PSME4: variants seen among roughly 807,000 people sequenced by gnomAD.
PSME4 encodes the protein proteasome activator complex subunit 4.
In PSME4, 89 loss-of-function variants were observed where a neutral mutation model predicts 253.9. The observed-to-expected ratio is 0.35, with a 90% CI of 0.30 to 0.42. PSME4 has a LOEUF of 0.42. PSME4 is among the 10% of genes least tolerant of loss of function. The pLI is 1.00. For synonymous variants in PSME4, 851 were observed against 759.2 expected (o/e 1.12, Z -1.99); for missense variants, 2,014 against 2,195.2 (o/e 0.92, Z 1.65).
chr2:53,964,224 A>T (rs1469118183), intron 1 of PSME4, among the ~76,000 whole-genome samples: 2 of 152,210 alleles, frequency 1.3e-5, no homozygotes, highest in Non-Finnish European at 2.9e-5. Flanking sequence ...TATGTGTGAC[A>T]TCATCATGAA....
At chr2:53,927,564 A>G (rs1322859165) in intron 11 of PSME4, 81 bp from the exon 12 acceptor site, 2 of 976,794 alleles carry the variant, frequency 2.0e-6, no homozygotes, top group Non-Finnish European at 3.2e-6. Flanking sequence ...ACAATAAATT[A>G]CCCCAATAAA....
chr2:53,887,407 C>T lies in PSME4; in HGVS notation c.4581G>A (p.Ser1527=), dbSNP rs764656669. ...GAGCAGTAAACTCAGGGACATGAGG[C>T]GATATGGTTGGTGTGGTATTTGGCA... ...VSLPNTTPTI[S]PHVPEFTARI... Residue 1527 remains serine, a synonymous_variant, in exon 40 of 47, where the codon TCG becomes TCA. Transcript: ENST00000404125. 4.3e-6 allele frequency: 7 copies of T among 1,613,734 alleles called. No homozygotes were observed. Among genetic ancestry groups the T allele is most frequent in the South Asian group, 2.2e-5 (2 of 91,074 alleles).
At chr2:53,927,669 G>A (rs566226881) in intron 11 of PSME4, among the ~76,000 whole-genome samples, 186 bp from the exon 12 acceptor site, 4 of 152,254 alleles carry the variant, frequency 2.6e-5, no homozygotes, top group Non-Finnish European at 5.9e-5. Flanking sequence ...GCTGTCGGCC[G>A]AGCGCAGTGG....
intron 24 of PSME4, 167 bp downstream of exon 24, chr2:53,908,153 A>G: frequency 1.8e-6 from 1 of 553,582 alleles, no homozygotes; most frequent in Non-Finnish European, 3.1e-6. Context: ...ATTTTTTGCT[A>G]GGATCCATTT....
chr2:53,896,614 G>A (rs1680149405), intron 32 of PSME4, among the ~76,000 whole-genome samples, 190 bp downstream of exon 32: 1 of 152,152 alleles, frequency 6.6e-6, no homozygotes, highest in South Asian at 2.1e-4. Context: ...GGCAGAAAGA[G>A]TCAATCTATT....
At chr2:53,964,644 T>C (rs1332861088) in intron 1 of PSME4, among the ~76,000 whole-genome samples, 1 of 152,254 alleles carries the variant, frequency 6.6e-6, no homozygotes, top group Non-Finnish European at 1.5e-5. Flanking sequence ...AAACATTAGA[T>C]ACTCTTAGGT....
chr2:53,947,628 C>T (rs1476872453), intron 3 of PSME4, among the ~76,000 whole-genome samples: 1 of 152,100 alleles, frequency 6.6e-6, no homozygotes, highest in East Asian at 1.9e-4. Context: ...ACGGCATGAA[C>T]CCTGGAGGTG....
At chr2:53,933,404 G>A (rs1238124423) in intron 8 of PSME4, among the ~76,000 whole-genome samples, 15 of 80,862 alleles carry the variant, frequency 1.9e-4, no homozygotes, top group African/African-American at 7.6e-4. Context: ...AAAAAAAAAA[G>A]CGTTTCCCTC....
Position 53,970,940 on chromosome 2 carries a change from T to C in PSME4, c.-156A>G. On this transcript the variant is annotated 5_prime_UTR_variant, in exon 1 of 47. Coordinates refer to ENST00000404125, the MANE Select transcript of PSME4 (RefSeq NM_014614.3). ...GCTAGGCCCCCTTCCCTGGCCGGCG[T>C]GCTGCTGGGCCCCACGCGGCTCTCA... is the stretch of plus-strand genomic sequence containing the variant. The C allele has an allele frequency of 1.7e-6, 1 of 583,036 alleles. No individual in the cohort carries two copies. Among genetic ancestry groups the C allele is most frequent in the Non-Finnish European group, 2.8e-6 (1 of 363,496 alleles). 36.1% of individuals were successfully genotyped at this position (583,036 alleles called of 1,614,324 possible).
Position 53,866,177 on chromosome 2 carries a change from T to G in PSME4, c.5444A>C (p.Asp1815Ala). ...TLSNFRRTHH[D>A]NWQEHKQQFT... ...TTGCTGTTTATGTTCCTGCCAGTTG[T>G]CATGGTGAGTCCTTCGGAAATTGGA... Residue 1815 changes from aspartate to alanine, a missense_variant, in exon 46 of 47, where the codon GAC (aspartate) becomes GCC (alanine). Coordinates refer to ENST00000404125, the MANE Select transcript of PSME4 (RefSeq NM_014614.3). 6.2e-7 allele frequency: 1 copy of G among 1,613,988 alleles called. No homozygotes were observed. The highest frequency in any genetic ancestry group is 8.5e-7 in the Non-Finnish European group (1 of 1,179,850).
At chr2:53,909,915 A>G (rs1451889797) in intron 21 of PSME4, among the ~76,000 whole-genome samples, 160 bp downstream of exon 21, 1 of 152,180 alleles carries the variant, frequency 6.6e-6, no homozygotes, top group Non-Finnish European at 1.5e-5. Flanking sequence ...GGTTGCAGTG[A>G]GCAGAGATCG....
chr2:53,958,772 A>G (rs1670348223), intron 1 of PSME4, among the ~76,000 whole-genome samples: 1 of 152,094 alleles, frequency 6.6e-6, no homozygotes, highest in Non-Finnish European at 1.5e-5. Context: ...CAACTTAAAA[A>G]AAAAACACTT....
intron 1 of PSME4, among the ~76,000 whole-genome samples, chr2:53,951,218 G>C (rs1315609975): frequency 1.3e-5 from 2 of 152,110 alleles, no homozygotes; most frequent in Non-Finnish European, 2.9e-5. Context: ...CAGTAGCTGG[G>C]ATTACAGGCG....
At chr2:53,932,197 T>G (rs1415110073) in intron 9 of PSME4, 97 bp from the exon 10 acceptor site, 1 of 1,130,278 alleles carries the variant, frequency 8.8e-7, no homozygotes, top group African/African-American at 1.6e-5. Flanking sequence ...ATTTTAAAAA[T>G]AACAGTTCTT....
At chr2:53,942,458 C>T (rs1669495921) in intron 3 of PSME4, among the ~76,000 whole-genome samples, 1 of 151,574 alleles carries the variant, frequency 6.6e-6, no homozygotes. Context: ...AAAGATACAT[C>T]AGGTTGAAAA....
At chr2:53,908,921 C>A (rs1309680601) in intron 21 of PSME4, 81 bp from the exon 22 acceptor site, 38 of 1,047,688 alleles carry the variant, frequency 3.6e-5, no homozygotes, top group Non-Finnish European at 5.0e-5. Context: ...CAGGTTAGGT[C>A]AAGGAGGGAT....
At chr2:53,911,684 C>G (rs1017522053) in intron 20 of PSME4, among the ~76,000 whole-genome samples, 5 of 151,528 alleles carry the variant, frequency 3.3e-5, no homozygotes, top group African/African-American at 4.8e-5. Context: ...ACTTAGTTTT[C>G]TGAAGTAGAA....
Position 53,921,103 on chromosome 2 carries a change from A to G in PSME4, c.2048T>C (p.Ile683Thr). 1 of 1,613,164 alleles carries G rather than the reference A, an allele frequency of 6.2e-7. No homozygotes were observed. The highest frequency in any genetic ancestry group is 8.5e-7 in the Non-Finnish European group (1 of 1,179,868). Residue 683 changes from isoleucine to threonine, a missense_variant and splice_region_variant, in exon 18 of 47, where the codon ATT becomes ACT. By Grantham distance (89) the Ile-to-Thr change is moderately conservative. Transcript: ENST00000404125. ...CAACTTCCTTCCATCCACTCGAGTA[A>G]TCTAAAAGGAGGGAAAAAATAGTTG... ...LLWNLQLLSE[I>T]TRVDGRKLLL...
At chr2:53,944,641 A>T (rs1041990787) in intron 3 of PSME4, among the ~76,000 whole-genome samples, 3 of 152,202 alleles carry the variant, frequency 2.0e-5, no homozygotes, top group Non-Finnish European at 2.9e-5. Context: ...TTTGATTATC[A>T]TATTAAATTT....
Sources: allele counts gnomAD v4.1 joint callset (sites outside exome capture counted in the v4.1 genomes callset), GRCh38; gene constraint gnomAD v4.1.1; transcripts MANE v1.5; gene names NCBI Gene and HGNC (gene_info 2026-07-23, HGNC 2026-07-21).